The following CAMK1D variants were observed in gnomAD, a reference collection of about 807,000 sequenced individuals.
The protein encoded by CAMK1D is calcium/calmodulin dependent protein kinase ID, also known as calcium/calmodulin-dependent protein kinase type 1D.
In CAMK1D, 9 loss-of-function variants were observed where a neutral mutation model predicts 47.7. The observed-to-expected ratio is 0.19, with a 90% CI of 0.11 to 0.33. CAMK1D has a LOEUF of 0.33. Among genes scored for constraint, CAMK1D ranks in the 10% least tolerant of loss-of-function variants. The pLI is 1.00. For synonymous variants in CAMK1D, 184 were observed against 184.9 expected (o/e 0.99, Z 0.04); for missense variants, 291 against 488.7 (o/e 0.60, Z 3.81).
At chr10:12,720,726 C>A (rs1834337550) in intron 3 of CAMK1D, among the ~76,000 whole-genome samples, 1 of 152,174 alleles carries the variant, frequency 6.6e-6, no homozygotes, top group Non-Finnish European at 1.5e-5. Context: ...GATTATTTTT[C>A]CCTCTCGAAT....
At chr10:12,681,066 A>G (rs1480788021) in intron 3 of CAMK1D, among the ~76,000 whole-genome samples, 1 of 151,956 alleles carries the variant, frequency 6.6e-6, no homozygotes, top group Non-Finnish European at 1.5e-5. Flanking sequence ...GAGGATCACT[A>G]TGTCAGTGTC....
chr10:12,432,121 C>T (rs1002263848), intron 1 of CAMK1D, among the ~76,000 whole-genome samples: 9 of 152,206 alleles, frequency 5.9e-5, no homozygotes, highest in African/African-American at 2.2e-4. Flanking sequence ...CACTGGGCCG[C>T]GTTTCTCTGA....
rs181833323 is a variant in CAMK1D at position 12,380,667 on chromosome 10, T to C, written c.92+30757T>C. On this transcript the variant is annotated intron_variant, in intron 1 of 10. Coordinates refer to ENST00000619168, the MANE Select transcript of CAMK1D (RefSeq NM_153498.4). ...GGTCAGAGATCGAGACCATCCTGGC[T>C]AACACGGTGAAACCCCATCTCTACT... 4.7e-4 allele frequency among the ~76,000 whole-genome samples: 72 copies of C among 152,242 alleles called. No homozygotes were observed. The East Asian group carries it at 6.8e-3, about 14-fold the overall frequency.
intron 1 of CAMK1D, among the ~76,000 whole-genome samples, chr10:12,523,571 C>T (rs80273463): frequency 7.9e-5 from 12 of 152,054 alleles, no homozygotes; most frequent in East Asian, 1.9e-4. Flanking sequence ...AGCGAAACCC[C>T]GTCTCCACCA....
At position 12,384,423 on chromosome 10, in the gene CAMK1D, AGTT is replaced by A. The variant is rs1170928250; in HGVS notation, c.92+34515_92+34517del. ...AAACAGTCTTGAAAAAGAAGAGCAA[AGTT>A]GGATGACTTTAAAAACTTACTACAG... On this transcript the variant is annotated intron_variant, in intron 1 of 10. Transcript: ENST00000619168. 4.6e-5 allele frequency among the ~76,000 whole-genome samples: 7 copies of A among 152,336 alleles called. No homozygotes were observed. In the South Asian group the frequency reaches 1.0e-3, roughly 23 times the overall value.
chr10:12,695,254 G>A (rs747866713), intron 3 of CAMK1D, among the ~76,000 whole-genome samples: 1 of 152,138 alleles, frequency 6.6e-6, no homozygotes, highest in Non-Finnish European at 1.5e-5. Context: ...AGAATGACTT[G>A]GAGTTTCTTT....
chr10:12,539,273 G>T (rs746698869), intron 1 of CAMK1D, among the ~76,000 whole-genome samples: 60 of 152,128 alleles, frequency 3.9e-4, no homozygotes, highest in Non-Finnish European at 6.3e-4. Context: ...GGAATAGCTT[G>T]AAGCATACTT....
chr10:12,363,345 C>T (rs190546605), intron 1 of CAMK1D, among the ~76,000 whole-genome samples: 287 of 152,100 alleles, frequency 1.9e-3, no homozygotes, highest in African/African-American at 6.6e-3. Context: ...ACCTCCTCCT[C>T]CCAGGTTCCA....
chr10:12,429,234 C>G (rs542127483), intron 1 of CAMK1D, among the ~76,000 whole-genome samples: 1 of 152,292 alleles, frequency 6.6e-6, no homozygotes, highest in South Asian at 2.1e-4. Flanking sequence ...CCTTCTCCCC[C>G]ACTCTTCTTT....
intron 2 of CAMK1D, among the ~76,000 whole-genome samples, chr10:12,662,651 C>CAAA (rs56807588): frequency 7.1e-6 from 1 of 140,502 alleles, no homozygotes; most frequent in African/African-American, 2.6e-5. Context: ...CACTCTGCCT[C>CAAA]AAAAAAAAAA....
intron 1 of CAMK1D, among the ~76,000 whole-genome samples, chr10:12,441,305 C>T (rs1401326066): frequency 6.6e-6 from 1 of 152,152 alleles, no homozygotes; most frequent in Non-Finnish European, 1.5e-5. Context: ...TGAAGTGATC[C>T]TTCTGCCTCA....
chr10:12,689,811 CT>C (rs1227368839), intron 3 of CAMK1D, among the ~76,000 whole-genome samples: 1 of 151,694 alleles, frequency 6.6e-6, no homozygotes, highest in East Asian at 1.9e-4. Flanking sequence ...ACTGAGCCTG[CT>C]ATTTATAATT....
chr10:12,406,560 A>G (rs1365270281), intron 1 of CAMK1D, among the ~76,000 whole-genome samples: 1 of 150,980 alleles, frequency 6.6e-6, no homozygotes, highest in East Asian at 1.9e-4. Context: ...CAAAAAACAA[A>G]CCCTCCACAA....
chr10:12,830,055 G>A lies in CAMK1D; in HGVS notation c.*1168G>A, dbSNP rs886353085. 6.6e-5 allele frequency: 10 copies of A among 152,026 alleles called. No homozygotes were observed. The highest frequency in any genetic ancestry group is 2.4e-4 in the African/African-American group (10 of 41,374). The allele number at this position is 152,026 out of a possible 1,614,324, so 9.4% of individuals were successfully genotyped here. A position where few individuals can be genotyped will look rare whatever the true frequency, so the allele number is the denominator to read the frequency against. ...CTGTGAGTGAGATGCCCACACTGCA[G>A]AGATGCAGGACCCTCCCTTGCAAAA... On this transcript the variant is annotated 3_prime_UTR_variant, in exon 11 of 11. Transcript: ENST00000619168.
intron 3 of CAMK1D, among the ~76,000 whole-genome samples, chr10:12,675,382 A>C (rs1448998666): frequency 6.6e-6 from 1 of 152,144 alleles, no homozygotes; most frequent in East Asian, 1.9e-4. Context: ...ATCCAAAATA[A>C]ACTCTTGAAT....
intron 1 of CAMK1D, among the ~76,000 whole-genome samples, chr10:12,435,221 C>CAAA (rs910066372): frequency 0.12 from 5,092 of 44,012 alleles, 307 homozygotes; most frequent in Admixed American, 0.18. Context: ...AACTCTGTCT[C>CAAA]AAAAAAAAAA....
intron 1 of CAMK1D, among the ~76,000 whole-genome samples, chr10:12,391,406 C>A (rs1372337384): frequency 6.6e-6 from 1 of 152,186 alleles, no homozygotes; most frequent in Non-Finnish European, 1.5e-5. Context: ...ATCTTCTATT[C>A]AGGGTTTCCA....
intron 6 of CAMK1D, among the ~76,000 whole-genome samples, chr10:12,804,329 C>T (rs1838618199): frequency 6.6e-6 from 1 of 152,074 alleles, no homozygotes; most frequent in Admixed American, 6.5e-5. Context: ...TAAATAGTAT[C>T]GAGGCCAGGC....
intron 3 of CAMK1D, among the ~76,000 whole-genome samples, chr10:12,667,502 A>G (rs1840471517): frequency 6.6e-6 from 1 of 152,236 alleles, no homozygotes; most frequent in Admixed American, 6.5e-5. Context: ...GCCTGCATAA[A>G]TGCTTTACTC....
Sources: allele counts gnomAD v4.1 joint callset (sites outside exome capture counted in the v4.1 genomes callset), GRCh38; gene constraint gnomAD v4.1.1; transcripts MANE v1.5; gene names NCBI Gene and HGNC (gene_info 2026-07-23, HGNC 2026-07-21).